Variants in SLC28A1 observed in about 807,000 individuals in gnomAD.
The protein encoded by SLC28A1 is solute carrier family 28 member 1.
SLC28A1 carries 64 observed loss-of-function variants against 74.8 expected under a neutral mutation model. The observed-to-expected ratio is 0.86, with a 90% CI of 0.70 to 1.05. The LOEUF (loss-of-function observed/expected upper bound fraction) is 1.05, where lower values mean the gene tolerates loss of function less well. Among genes scored for constraint, SLC28A1 ranks in the 50% least tolerant of loss-of-function variants. SLC28A1 has a pLI of 0.00. For synonymous variants in SLC28A1, 359 were observed against 335.0 expected (o/e 1.07, Z -0.78); for missense variants, 828 against 822.8 (o/e 1.01, Z -0.08).
At chr15:84,900,012 G>GCAGA (rs1399874090) in intron 6 of SLC28A1, among the ~76,000 whole-genome samples, 1 of 150,100 alleles carries the variant, frequency 6.7e-6, no homozygotes, top group Admixed American at 6.7e-5. Context: ...AGGCAGGCAG[G>GCAGA]CAGGCAGGCA....
At chr15:84,908,591 C>A (rs536681260) in intron 8 of SLC28A1, 127 bp from the exon 9 acceptor site, 6 of 763,964 alleles carry the variant, frequency 7.9e-6, no homozygotes, top group Non-Finnish European at 6.9e-6. Context: ...GGTGGTGCCC[C>A]CCCCCGGATA....
At chr15:84,894,131 G>A (rs1965676008) in intron 5 of SLC28A1, among the ~76,000 whole-genome samples, 1 of 152,154 alleles carries the variant, frequency 6.6e-6, no homozygotes, top group Non-Finnish European at 1.5e-5. Flanking sequence ...CAGCACTTTG[G>A]GAGGCTGAGG....
At chr15:84,922,630 A>G (rs918371721) in intron 11 of SLC28A1, among the ~76,000 whole-genome samples, 8 of 152,042 alleles carry the variant, frequency 5.3e-5, no homozygotes, top group African/African-American at 1.4e-4. Context: ...TGACCCTTCA[A>G]ACACACAAAG....
intron 6 of SLC28A1, 132 bp downstream of exon 6, chr15:84,895,255 C>CA: frequency 3.8e-6 from 6 of 1,569,196 alleles, no homozygotes; most frequent in Non-Finnish European, 5.3e-6. Flanking sequence ...CGCCCCAGGG[C>CA]AGGAGCCAGT....
At chr15:84,909,036 GT>G (rs11294864) in intron 9 of SLC28A1, among the ~76,000 whole-genome samples, 146,332 of 151,532 alleles carry the variant, frequency 0.97, 70,672 homozygotes, top group Admixed American at 0.98. Flanking sequence ...ATTTCTGTAT[GT>G]TTTTTTTTTT....
intron 12 of SLC28A1, 129 bp from the exon 13 acceptor site, chr15:84,933,016 C>T: frequency 1.2e-6 from 1 of 845,204 alleles, no homozygotes; most frequent in Non-Finnish European, 2.0e-6. Context: ...GTGATGACAG[C>T]AGTTATGACA....
rs746927840 is a variant in SLC28A1 at position 84,924,035 on chromosome 15, T to C, written c.1008T>C (p.Ser336=). 5 of 1,613,934 alleles carry C rather than the reference T, an allele frequency of 3.1e-6. No homozygotes were observed. Among genetic ancestry groups the C allele is most frequent in the Admixed American group, 1.7e-5 (1 of 59,982 alleles). The change falls in exon 12 of 19, where the codon TCT becomes TCC. Residue 336 remains serine (S), a synonymous_variant. Transcript: ENST00000394573. ...CCTACTTGGCAGACATGACACTCTC[T>C]GAAGTCCACGTTGTCATGACCGGAG... ...IRPYLADMTL[S]EVHVVMTGGY... is the part of the protein sequence containing the mutation.
the SLC28A1 span, among the ~76,000 whole-genome samples, chr15:84,967,829 G>C: frequency 1.3e-5 from 2 of 152,196 alleles, no homozygotes; most frequent in Non-Finnish European, 2.9e-5. Context: ...CCCAGGAATT[G>C]TCTGGGTTTG....
chr15:84,928,815 G>A (rs1056097957), intron 12 of SLC28A1, among the ~76,000 whole-genome samples: 1 of 151,544 alleles, frequency 6.6e-6, no homozygotes, highest in Non-Finnish European at 1.5e-5. Context: ...TAGAGACAGG[G>A]TTTCACCATG....
At chr15:84,943,195 A>G (rs565751686) in intron 15 of SLC28A1, among the ~76,000 whole-genome samples, 1 of 152,264 alleles carries the variant, frequency 6.6e-6, no homozygotes, top group Non-Finnish European at 1.5e-5. Context: ...TCAAACAAAA[A>G]CAAAAACAAA....
At chr15:84,961,118 G>T in the SLC28A1 span, among the ~76,000 whole-genome samples, 1 of 152,144 alleles carries the variant, frequency 6.6e-6, no homozygotes, top group African/African-American at 2.4e-5. Context: ...ACTCGTAGGG[G>T]TGTTGTAAGC....
At chr15:84,971,611 T>G in the SLC28A1 span, among the ~76,000 whole-genome samples, 2 of 152,104 alleles carry the variant, frequency 1.3e-5, no homozygotes, top group Non-Finnish European at 2.9e-5. Context: ...GCCTGCAGAA[T>G]GTACACCAAA....
chr15:84,920,171 C>T (rs952316691), intron 10 of SLC28A1, among the ~76,000 whole-genome samples: 3 of 152,160 alleles, frequency 2.0e-5, no homozygotes, highest in African/African-American at 4.8e-5. Context: ...TCTAGTTGGG[C>T]GTGGTGGCTC....
At chr15:84,954,978 G>A in the SLC28A1 span, among the ~76,000 whole-genome samples, 119,267 of 151,992 alleles carry the variant, frequency 0.78, 47,131 homozygotes, top group African/African-American at 0.85. Context: ...GGTCTTGTTC[G>A]CTGGGACACT....
At chr15:84,959,930 G>A in the SLC28A1 span, among the ~76,000 whole-genome samples, 10 of 152,266 alleles carry the variant, frequency 6.6e-5, no homozygotes, top group South Asian at 6.2e-4. Context: ...AGTTGGGGAG[G>A]GATAAGGCTT....
At position 84,890,071 on chromosome 15, in the gene SLC28A1, G is replaced by A. The variant is rs775310007; in HGVS notation, c.186-372G>A. Among the ~76,000 whole-genome samples the A allele has an allele frequency of 6.6e-5, 10 of 152,270 alleles. No individual in the cohort carries two copies. In the East Asian group the frequency reaches 1.5e-3, roughly 24 times the overall value. On this transcript the variant is annotated intron_variant, in intron 4 of 18. Coordinates refer to ENST00000394573, the MANE Select transcript of SLC28A1 (RefSeq NM_004213.5). ...GCTAGTCTTGAACTCCTGGGCTCAA[G>A]TGATCCACGCTCCTGGGCCTCCCAA...
chr15:84,891,880 C>T (rs923737359), intron 5 of SLC28A1, among the ~76,000 whole-genome samples: 5 of 151,984 alleles, frequency 3.3e-5, no homozygotes, highest in African/African-American at 1.2e-4. Flanking sequence ...TTTGTTTGTA[C>T]GAGCTGAGGT....
intron 15 of SLC28A1, among the ~76,000 whole-genome samples, chr15:84,941,512 GT>G (rs766522872): frequency 3.2e-4 from 47 of 148,226 alleles, no homozygotes; most frequent in African/African-American, 1.1e-3. Flanking sequence ...GCCGGGATTT[GT>G]TTTTTTTTTA....
chr15:84,928,369 C>T (rs946069765), intron 12 of SLC28A1, among the ~76,000 whole-genome samples: 4 of 151,698 alleles, frequency 2.6e-5, no homozygotes, highest in Admixed American at 2.6e-4. Context: ...CTCTCTTTTG[C>T]CCCCACCTGG....
Sources: allele counts gnomAD v4.1 joint callset (sites outside exome capture counted in the v4.1 genomes callset), GRCh38; gene constraint gnomAD v4.1.1; transcripts MANE v1.5; gene names NCBI Gene and HGNC (gene_info 2026-07-23, HGNC 2026-07-21).